Variants in NHSL1 observed in about 807,000 individuals in gnomAD.
NHSL1 encodes the protein NHS-like protein 1.
NHSL1 carries 48 observed loss-of-function variants against 95.0 expected under a neutral mutation model. The observed-to-expected ratio is 0.51, with a 90% confidence interval of 0.40 to 0.64. The LOEUF (loss-of-function observed/expected upper bound fraction) is 0.64, where lower values mean the gene tolerates loss of function less well. Ranked by LOEUF, NHSL1 falls within the 30% of genes least tolerant of loss-of-function variation. The probability of loss-of-function intolerance (pLI) is 0.00; values close to 1 mark genes in which losing one functional copy is unlikely to be tolerated. For missense variants in NHSL1, 1,971 were observed against 2,077.7 expected, an observed-to-expected ratio of 0.95 and a Z score of 1.00; for synonymous variants, 783 against 833.9, an observed-to-expected ratio of 0.94 and a Z score of 1.05.
Position 138,634,360 on chromosome 6 carries a change from GA to G in NHSL1, c.96+58115del, listed in dbSNP as rs1231416026. On this transcript the variant is annotated intron_variant, in intron 1 of 3. Transcript: ENST00000491526. ...CACATAGACCAAAAATAAATGGATAGAAAAAGATATTCCATGCCAACAAAAA... is the reference window on the plus strand; with the variant it reads ...CACATAGACCAAAAATAAATGGATAGAAAAGATATTCCATGCCAACAAAAA... Among the ~76,000 whole-genome samples, 4 of 152,142 alleles carry G rather than the reference GA, an allele frequency of 2.6e-5. No homozygotes were observed. In the East Asian group the frequency reaches 7.7e-4, roughly 29 times the overall value.
At chr6:138,461,636 T>C (rs1375500398) in intron 3 of NHSL1, among the ~76,000 whole-genome samples, 1 of 152,118 alleles carries the variant, frequency 6.6e-6, no homozygotes, top group Non-Finnish European at 1.5e-5. Context: ...AGTTTAAGTG[T>C]GCGCTGGGGA....
At position 138,692,353 on chromosome 6, in the gene NHSL1, G is replaced by C. The variant is rs1332349511; in HGVS notation, c.96+123C>G. ...CTGGGGTCCGGCAGTCCCCACTGGA[G>C]ACCCCGACATCGCGGGGCTCCGCGG... On this transcript the variant is annotated intron_variant, in intron 1 of 3. Transcript: ENST00000491526. The surrounding 1 kb of genome is among the most constrained non-coding windows in gnomAD (Gnocchi z 4.0). The C allele has an allele frequency of 2.9e-6, 1 of 339,632 alleles. No individual in the cohort carries two copies. The highest frequency in any genetic ancestry group is 5.8e-6 in the Non-Finnish European group (1 of 172,374). The allele number at this position is 339,632 out of a possible 1,614,324, so 21.0% of individuals were successfully genotyped here.
chr6:138,485,876 A>C (rs1044510115), intron 2 of NHSL1, among the ~76,000 whole-genome samples: 2 of 152,218 alleles, frequency 1.3e-5, no homozygotes, highest in Admixed American at 6.5e-5. Flanking sequence ...AGTCAACCTA[A>C]TTAAATTCAC....
intron 1 of NHSL1, among the ~76,000 whole-genome samples, chr6:138,542,813 G>A (rs1036701661): frequency 6.6e-6 from 1 of 151,956 alleles, no homozygotes; most frequent in Non-Finnish European, 1.5e-5. Context: ...GCCCAGGCTA[G>A]AGTGCAGGGG....
At chr6:138,544,419 T>G (rs1287204748) in intron 1 of NHSL1, among the ~76,000 whole-genome samples, 1 of 151,972 alleles carries the variant, frequency 6.6e-6, no homozygotes, top group African/African-American at 2.4e-5. Context: ...AAAAATGTGA[T>G]GTTCCTTTTT....
intron 1 of NHSL1, among the ~76,000 whole-genome samples, chr6:138,620,389 A>G (rs1421234166): frequency 6.6e-6 from 1 of 152,252 alleles, no homozygotes; most frequent in East Asian, 1.9e-4. Context: ...GCAAAATGTT[A>G]TTAATACAAT....
intron 6 of NHSL1, 122 bp from the exon 7 acceptor site, chr6:138,429,965 C>T (rs377390189): frequency 2.9e-5 from 28 of 951,752 alleles, no homozygotes; most frequent in Non-Finnish European, 4.1e-5. Context: ...AGGGAGATGC[C>T]GTGGGTCTGT....
chr6:138,682,958 G>T (rs1271881579), intron 1 of NHSL1, among the ~76,000 whole-genome samples: 1 of 152,204 alleles, frequency 6.6e-6, no homozygotes, highest in Admixed American at 6.5e-5. Context: ...GGGTGAAAAC[G>T]TGACATTGGG....
intron 1 of NHSL1, among the ~76,000 whole-genome samples, chr6:138,649,175 A>G (rs1477466134): frequency 1.3e-5 from 2 of 152,094 alleles, no homozygotes; most frequent in Non-Finnish European, 2.9e-5. Flanking sequence ...AGAACAAGCA[A>G]TCTTTTAACC....
rs1284898953 is a variant in NHSL1, at chr6:138,499,146, C to T, written c.58+87G>A. 6 of 871,736 alleles carry T rather than the reference C, an allele frequency of 6.9e-6. No homozygotes were observed. In the African/African-American group the frequency reaches 1.0e-4, roughly 15 times the overall value. 54.0% of individuals were successfully genotyped at this position (871,736 alleles called of 1,614,324 possible). A position where few individuals can be genotyped will look rare whatever the true frequency, so the allele number is the denominator to read the frequency against. ...AAACACACACATGGACACACACACA[C>T]ACACACACACACAGACACACAGGGA... On this transcript the variant is annotated intron_variant, in intron 1 of 7. Coordinates refer to ENST00000343505, the MANE Select transcript of NHSL1 (RefSeq NM_001144060.2).
upstream of NHSL1, among the ~76,000 whole-genome samples, chr6:138,547,950 T>G (rs1450488087): frequency 6.6e-6 from 1 of 152,194 alleles, no homozygotes; most frequent in Non-Finnish European, 1.5e-5. Flanking sequence ...TTTCAAATTG[T>G]ACAGAGAGAG....
At chr6:138,644,447 G>A (rs9385836) in intron 1 of NHSL1, among the ~76,000 whole-genome samples, 11,489 of 152,238 alleles carry the variant, frequency 0.075, 601 homozygotes, top group East Asian at 0.26. Context: ...AGGTTGCAGC[G>A]AGCCGAGACT....
chr6:138,475,089 C>A (rs1362493705), intron 2 of NHSL1, among the ~76,000 whole-genome samples: 1 of 149,130 alleles, frequency 6.7e-6, no homozygotes, highest in Non-Finnish European at 1.5e-5. Context: ...GCAGAAGTTG[C>A]GGTGAGCCGA....
At chr6:138,655,505 A>G (rs989926024) in intron 1 of NHSL1, among the ~76,000 whole-genome samples, 2 of 152,204 alleles carry the variant, frequency 1.3e-5, no homozygotes, top group African/African-American at 4.8e-5. Flanking sequence ...CTGTGGAATG[A>G]TGTTTTAAAA....
chr6:138,501,463 T>C (rs902431365), upstream of NHSL1, among the ~76,000 whole-genome samples: 2 of 152,134 alleles, frequency 1.3e-5, no homozygotes, highest in African/African-American at 2.4e-5. Flanking sequence ...TGCAGCATCG[T>C]AGGAGTCAGG....
At chr6:138,595,084 T>C (rs1279460273) in intron 1 of NHSL1, among the ~76,000 whole-genome samples, 1 of 152,266 alleles carries the variant, frequency 6.6e-6, no homozygotes, top group Non-Finnish European at 1.5e-5. Flanking sequence ...CCAAGCCTAC[T>C]GTACAATATA....
intron 3 of NHSL1, among the ~76,000 whole-genome samples, chr6:138,453,953 G>C (rs1461148599): frequency 6.6e-6 from 1 of 151,254 alleles, no homozygotes; most frequent in African/African-American, 2.5e-5. Context: ...TACTTAATTA[G>C]AACATATATG....
At chr6:138,685,586 T>A (rs4335006) in intron 1 of NHSL1, among the ~76,000 whole-genome samples, 70,286 of 151,706 alleles carry the variant, frequency 0.46, 17,600 homozygotes, top group South Asian at 0.65. Context: ...TGTGCTGGCT[T>A]ACCCCTATAA....
chr6:138,508,079 C>CTTTT (rs781442749), intron 1 of NHSL1, among the ~76,000 whole-genome samples: 1 of 152,180 alleles, frequency 6.6e-6, no homozygotes, highest in African/African-American at 2.4e-5. Context: ...AATTTCTAAA[C>CTTTT]ATCTGCTATC....
Sources: allele counts gnomAD v4.1 joint callset (sites outside exome capture counted in the v4.1 genomes callset), GRCh38; gene constraint gnomAD v4.1.1; non-coding constraint Gnocchi (gnomAD v3.1); transcripts MANE v1.5; gene names NCBI Gene and HGNC (gene_info 2026-07-23, HGNC 2026-07-21).